The following ITPRID1 variants were observed in gnomAD, a reference collection of about 807,000 sequenced individuals.
ITPRID1 encodes ITPR interacting domain containing 1.
Under a neutral mutation model 95.4 loss-of-function variants are expected in ITPRID1, and 96 were observed. That is an observed-to-expected ratio of 1.01 (90% CI 0.85 to 1.19). The LOEUF (loss-of-function observed/expected upper bound fraction) is 1.19, where lower values mean the gene tolerates loss of function less well. Ranked by LOEUF, ITPRID1 falls within the 50% of genes most tolerant of loss-of-function variation. ITPRID1 has a pLI of 0.00. For missense variants in ITPRID1, 1,339 were observed against 1,252.9 expected, an observed-to-expected ratio of 1.07 and a Z score of -1.04; for synonymous variants, 510 against 453.6, an observed-to-expected ratio of 1.12 and a Z score of -1.58.
At chr7:31,531,436 G>A (rs968825008) in intron 1 of ITPRID1, among the ~76,000 whole-genome samples, 1 of 152,108 alleles carries the variant, frequency 6.6e-6, no homozygotes, top group Admixed American at 6.5e-5. Context: ...TATGATTTTC[G>A]TTGTTATCGT....
intron 5 of ITPRID1, among the ~76,000 whole-genome samples, chr7:31,557,558 T>C (rs1784490307): frequency 6.6e-6 from 1 of 152,150 alleles, no homozygotes; most frequent in South Asian, 2.1e-4. Context: ...GGTTGGCCCA[T>C]TTTGTACCTT....
intron 1 of ITPRID1, among the ~76,000 whole-genome samples, chr7:31,544,113 C>A (rs183940356): frequency 1.2e-4 from 19 of 152,178 alleles, no homozygotes; most frequent in Non-Finnish European, 2.4e-4. Flanking sequence ...ATTTTCAGCA[C>A]AATGTTGAAA....
chr7:31,515,191 A>G (rs905610973), intron 1 of ITPRID1, among the ~76,000 whole-genome samples: 10 of 152,018 alleles, frequency 6.6e-5, no homozygotes, highest in African/African-American at 2.2e-4. Context: ...TTATAGGAAT[A>G]CCTTTTCATT....
chr7:31,626,182 G>A (rs1242997043), intron 10 of ITPRID1, among the ~76,000 whole-genome samples: 1 of 152,120 alleles, frequency 6.6e-6, no homozygotes, highest in East Asian at 1.9e-4. Context: ...GCATCTTTGG[G>A]CTTTCTTTTT....
At chr7:31,537,206 C>G (rs1266223466) in intron 1 of ITPRID1, among the ~76,000 whole-genome samples, 4 of 151,306 alleles carry the variant, frequency 2.6e-5, no homozygotes, top group Non-Finnish European at 5.9e-5. Flanking sequence ...TCCCAATCTT[C>G]CTGGTGAATA....
At position 31,552,261 on chromosome 7, in the gene ITPRID1, G is replaced by A. The variant is rs1168478568; in HGVS notation, c.-23-741G>A. 2.8e-5 allele frequency among the ~76,000 whole-genome samples: 4 copies of A among 141,696 alleles called. 1 individual carries two copies. The highest frequency in any genetic ancestry group is 6.4e-5 in the Non-Finnish European group (4 of 62,858). 93.0% of individuals were successfully genotyped at this position (141,696 alleles called of 152,430 possible). ...GCCATCCTATAGGATATATAGCATA[G>A]TCATGGGAACATGCTTGAGGTCCAG... On this transcript the variant is annotated intron_variant, in intron 2 of 14. Transcript: ENST00000615280.
At chr7:31,611,047 C>A (rs890353323) in intron 10 of ITPRID1, among the ~76,000 whole-genome samples, 1 of 150,844 alleles carries the variant, frequency 6.6e-6, no homozygotes, top group African/African-American at 2.4e-5. Flanking sequence ...TCCACCATTA[C>A]TGCATTTTTG....
At chr7:31,607,490 A>G (rs1786675170) in intron 10 of ITPRID1, among the ~76,000 whole-genome samples, 1 of 152,142 alleles carries the variant, frequency 6.6e-6, no homozygotes, top group African/African-American at 2.4e-5. Flanking sequence ...AGAATTCTGA[A>G]GGCCTTGCTC....
At position 31,652,871 on chromosome 7, in the gene ITPRID1, C is replaced by T. The variant is rs138001179; in HGVS notation, c.*42C>T. The T allele has an allele frequency of 5.2e-3, 8,174 of 1,585,030 alleles. 30 individuals carry two copies. Among genetic ancestry groups the T allele is most frequent in the Non-Finnish European group, 5.9e-3 (6,876 of 1,161,358 alleles). On this transcript the variant is annotated 3_prime_UTR_variant, in exon 15 of 15. Transcript: ENST00000615280. The stretch of plus-strand genomic sequence containing the variant: ...TAACCTTCATACAAAATATAAAGGC[C>T]CAGAACAGATGTAGCAAGGAAATTT...
At chr7:31,519,620 C>CTATATATATATATATATATATA (rs750544823) in intron 1 of ITPRID1, among the ~76,000 whole-genome samples, 27 of 25,242 alleles carry the variant, frequency 1.1e-3, no homozygotes, top group East Asian at 6.0e-3. Flanking sequence ...CTCTCTCTCT[C>CTATATATATATATATATATATA]TATATATATA....
intron 5 of ITPRID1, among the ~76,000 whole-genome samples, chr7:31,561,637 C>A (rs1161793462): frequency 6.6e-6 from 1 of 152,198 alleles, no homozygotes; most frequent in Non-Finnish European, 1.5e-5. Context: ...GGACTCTCAT[C>A]TTCTGCTCTG....
chr7:31,642,066 GGGCATTTCTGCA>G, intron 10 of ITPRID1, 98 bp from the exon 11 acceptor site: 1 of 584,652 alleles, frequency 1.7e-6, no homozygotes, highest in Non-Finnish European at 2.9e-6. Context: ...TCCACACAGT[GGGCATTTCTGCA>G]GGATCCATGG....
In ITPRID1 at chr7:31,656,132, C is replaced by CT. The variant is rs1791293400; in HGVS notation, c.*3309dup. 1.6e-6 allele frequency: 1 copy of CT among 636,676 alleles called. No homozygotes were observed. Among genetic ancestry groups the CT allele is most frequent in the Non-Finnish European group, 2.0e-6 (1 of 511,898 alleles). The allele number at this position is 636,676 out of a possible 1,614,324, so 39.4% of individuals were successfully genotyped here. A position where few individuals can be genotyped will look rare whatever the true frequency, so the allele number is the denominator to read the frequency against. ...TTTTTGAAACTCCTATATCACTTTG[C>CT]TTTTTTGTTAAAACACTGAAAACCT... On this transcript the variant is annotated 3_prime_UTR_variant, in exon 15 of 15. Transcript: ENST00000615280.
intron 1 of ITPRID1, among the ~76,000 whole-genome samples, chr7:31,520,490 T>C (rs1028066440): frequency 6.6e-5 from 10 of 151,932 alleles, no homozygotes; most frequent in Non-Finnish European, 1.0e-4. Context: ...AGTTGATTCC[T>C]GTGTCTCTTT....
rs114869689 is a variant in ITPRID1, at chr7:31,568,497, C to G, written c.257-1261C>G. Among the ~76,000 whole-genome samples, 537 of 152,266 alleles carry G rather than the reference C, an allele frequency of 3.5e-3. 1 individual carries two copies. The highest frequency in any genetic ancestry group is 0.012 in the African/African-American group (506 of 41,542). On this transcript the variant is annotated intron_variant, in intron 5 of 14. Coordinates refer to ENST00000615280, the MANE Select transcript of ITPRID1 (RefSeq NM_001257967.3). ...CTTGGCAACACTTCCCAGTTTCACA[C>G]ACGTCACACATTTGCACCCAGGAGA... is the stretch of plus-strand genomic sequence containing the variant.
rs551082616 is a variant in ITPRID1 at position 31,617,124 on chromosome 7, A to ATTTATCAACTTGTTCAGTT, written c.1229-25048_1229-25030dup. Among the ~76,000 whole-genome samples, 4 of 152,310 alleles carry ATTTATCAACTTGTTCAGTT rather than the reference A, an allele frequency of 2.6e-5. No individual in the cohort carries two copies. The East Asian group carries it at 5.8e-4, about 22-fold the overall frequency. On this transcript the variant is annotated intron_variant, in intron 10 of 14. Transcript: ENST00000615280. ...TGGTGGGTGAGCTCGTCCCGGTATA[A>ATTTATCAACTTGTTCAGTT]TTTATCAACTTGTTCAGTTTTTGAA...
At chr7:31,566,794 C>A (rs893881641) in intron 5 of ITPRID1, among the ~76,000 whole-genome samples, 25 of 152,086 alleles carry the variant, frequency 1.6e-4, no homozygotes, top group Non-Finnish European at 3.7e-4. Context: ...TGGTTTTATG[C>A]GTTTCAGAAG....
intron 1 of ITPRID1, among the ~76,000 whole-genome samples, chr7:31,524,696 C>T (rs1371853964): frequency 6.6e-6 from 1 of 152,024 alleles, no homozygotes; most frequent in African/African-American, 2.4e-5. Context: ...ATAATGCAGC[C>T]CATAAGCTTT....
chr7:31,531,162 T>C, intron 1 of ITPRID1, among the ~76,000 whole-genome samples: 1 of 152,174 alleles, frequency 6.6e-6, no homozygotes, highest in East Asian at 1.9e-4. Flanking sequence ...TATCAGAGCA[T>C]AGTTTAGGCA....
Sources: allele counts gnomAD v4.1 joint callset (sites outside exome capture counted in the v4.1 genomes callset), GRCh38; gene constraint gnomAD v4.1.1; transcripts MANE v1.5; gene names NCBI Gene and HGNC (gene_info 2026-07-23, HGNC 2026-07-21).